Variants in CNTN1 observed in about 807,000 individuals in gnomAD.
The protein encoded by CNTN1 is contactin 1, also known as contactin-1.
A neutral mutation model predicts 126.4 loss-of-function variants in CNTN1; 38 were observed. That is an observed-to-expected ratio of 0.30 (90% CI 0.23 to 0.39). The LOEUF (loss-of-function observed/expected upper bound fraction) is 0.39, where lower values mean the gene tolerates loss of function less well. CNTN1 is among the 10% of genes least tolerant of loss of function. The pLI is 1.00. For synonymous variants in CNTN1, 413 were observed against 422.6 expected, an observed-to-expected ratio of 0.98 and a Z score of 0.28; for missense variants, 1,009 against 1,248.4, an observed-to-expected ratio of 0.81 and a Z score of 2.89.
chr12:40,767,141 C>T (rs1341539539), intron 1 of CNTN1, among the ~76,000 whole-genome samples: 1 of 151,914 alleles, frequency 6.6e-6, no homozygotes, highest in East Asian at 1.9e-4. Flanking sequence ...TTAATATGAT[C>T]AAGGAGAGTA....
At chr12:40,936,676 T>A in intron 9 of CNTN1, 105 bp from the exon 10 acceptor site, 2 of 1,393,322 alleles carry the variant, frequency 1.4e-6, no homozygotes, top group Non-Finnish European at 2.0e-6. Flanking sequence ...CACTATCTGA[T>A]GTATTCTGCA....
rs182884890 is a variant in CNTN1, at chr12:40,908,952, C to T, written c.61+459C>T. ...AAACAATGGGTTTTAAGCATTTATT[C>T]CCTTTGTTCTTAGTATAATTTATTC... is the stretch of plus-strand genomic sequence containing the variant. On this transcript the variant is annotated intron_variant, in intron 2 of 23. Transcript: ENST00000551295. Among the ~76,000 whole-genome samples, 19 of 152,130 alleles carry T rather than the reference C, an allele frequency of 1.2e-4. No homozygotes were observed. The East Asian group carries it at 3.7e-3, about 29-fold the overall frequency.
At chr12:40,725,992 T>G (rs1161296070) in intron 1 of CNTN1, among the ~76,000 whole-genome samples, 1 of 151,896 alleles carries the variant, frequency 6.6e-6, no homozygotes, top group African/African-American at 2.4e-5. Flanking sequence ...AAGGAAGTCT[T>G]GAGTCAGCAT....
At chr12:40,902,849 G>C (rs190003357) in intron 1 of CNTN1, among the ~76,000 whole-genome samples, 81 of 152,192 alleles carry the variant, frequency 5.3e-4, no homozygotes, top group Middle Eastern at 6.8e-3. Flanking sequence ...GCTAGATGGA[G>C]GTCTGTCCAG....
chr12:40,976,078 C>CT (rs1403925109), intron 15 of CNTN1, among the ~76,000 whole-genome samples: 1 of 152,058 alleles, frequency 6.6e-6, no homozygotes, highest in Non-Finnish European at 1.5e-5. Flanking sequence ...CTTTAAATAA[C>CT]TTTTTATTCC....
At chr12:40,767,072 C>T (rs894133301) in intron 1 of CNTN1, among the ~76,000 whole-genome samples, 1 of 151,938 alleles carries the variant, frequency 6.6e-6, no homozygotes, top group Non-Finnish European at 1.5e-5. Flanking sequence ...TAATAATGAA[C>T]ATTATAGTAA....
intron 1 of CNTN1, among the ~76,000 whole-genome samples, chr12:40,711,859 C>T (rs1941921933): frequency 6.6e-6 from 1 of 152,058 alleles, no homozygotes. Context: ...ACTACAGGCA[C>T]TTGCCATTAT....
At chr12:40,899,957 A>G (rs1225799833) in intron 1 of CNTN1, among the ~76,000 whole-genome samples, 10 of 152,172 alleles carry the variant, frequency 6.6e-5, no homozygotes, top group Non-Finnish European at 1.5e-4. Flanking sequence ...TAAGTAATAA[A>G]CGATAAGGGA....
chr12:41,002,557 TC>T lies in CNTN1; in HGVS notation c.2113+9289del, dbSNP rs201565591. 7.8e-3 allele frequency among the ~76,000 whole-genome samples: 1,110 copies of T among 142,776 alleles called. 41 individuals are homozygous for T. The highest frequency in any genetic ancestry group is 0.027 in the African/African-American group (1,000 of 36,588). The allele number at this position is 142,776 out of a possible 152,430, so 93.7% of individuals were successfully genotyped here. ...TTGGGCTGAGACTATAGGGTTTCTT[TC>T]TTTTTTTTTTTTTTTTTGAGATGGA... On this transcript the variant is annotated intron_variant, in intron 17 of 23. Coordinates refer to ENST00000551295, the MANE Select transcript of CNTN1 (RefSeq NM_001843.4).
In CNTN1 at chr12:40,790,076, G is replaced by T. The variant is rs1339070685; in HGVS notation, c.-77+97484G>T. Among the ~76,000 whole-genome samples, 3 of 152,064 alleles carry T rather than the reference G, an allele frequency of 2.0e-5. No individual in the cohort carries two copies. The East Asian group carries it at 5.8e-4, about 29-fold the overall frequency. ...GTGCTGCCCAGGGCTAGTGTTAATA[G>T]CATGCACTTTGCCTATATTAAGGAA... On this transcript the variant is annotated intron_variant, in intron 1 of 23. Transcript: ENST00000551295.
At chr12:40,710,962 G>A (rs142034705) in intron 1 of CNTN1, among the ~76,000 whole-genome samples, 359 of 151,398 alleles carry the variant, frequency 2.4e-3, no homozygotes, top group African/African-American at 8.2e-3. Context: ...CACATGCTTT[G>A]GAACCTCTTC....
chr12:40,844,327 A>C (rs1389633491), intron 1 of CNTN1, among the ~76,000 whole-genome samples: 1 of 151,902 alleles, frequency 6.6e-6, no homozygotes, highest in Non-Finnish European at 1.5e-5. Flanking sequence ...CGGCCTCCCA[A>C]AGTGCTGGGA....
intron 1 of CNTN1, among the ~76,000 whole-genome samples, chr12:40,800,731 C>A (rs539892402): frequency 6.6e-6 from 1 of 152,034 alleles, no homozygotes; most frequent in East Asian, 1.9e-4. Flanking sequence ...TCAGCCTTAA[C>A]AACTAGAAAA....
chr12:40,956,947 A>T (rs1946907104), intron 14 of CNTN1, among the ~76,000 whole-genome samples: 1 of 152,112 alleles, frequency 6.6e-6, no homozygotes. Context: ...GGCAGTAGTG[A>T]TGGAAAGAAT....
intron 1 of CNTN1, among the ~76,000 whole-genome samples, chr12:40,740,389 T>G (rs1423707709): frequency 6.6e-6 from 1 of 151,920 alleles, no homozygotes; most frequent in East Asian, 1.9e-4. Flanking sequence ...TTATAGTAAC[T>G]CTAACTGCTG....
At chr12:40,904,299 G>A (rs748320689) in intron 1 of CNTN1, among the ~76,000 whole-genome samples, 10 of 151,890 alleles carry the variant, frequency 6.6e-5, no homozygotes, top group Non-Finnish European at 1.5e-4. Context: ...TTACAGGCGT[G>A]AGCCACCCCG....
rs181376457 is a variant in CNTN1, at chr12:41,046,686, A to G, written c.2980+17467A>G. 6.4e-4 allele frequency among the ~76,000 whole-genome samples: 98 copies of G among 152,118 alleles called. 1 individual carries two copies. Among genetic ancestry groups the G allele is most frequent in the African/African-American group, 2.3e-3 (95 of 41,548 alleles). ...AAGAACCCCTGTAAATCTTAATATT[A>G]CTAATAACTGCAAATTTTTTTCTTT... On this transcript the variant is annotated intron_variant, in intron 23 of 23. Coordinates refer to ENST00000551295, the MANE Select transcript of CNTN1 (RefSeq NM_001843.4).
At chr12:40,911,227 C>A (rs1168206582) in intron 3 of CNTN1, among the ~76,000 whole-genome samples, 1 of 152,026 alleles carries the variant, frequency 6.6e-6, no homozygotes, top group African/African-American at 2.4e-5. Flanking sequence ...ACTACAGGCA[C>A]CCGCAACCAC....
intron 23 of CNTN1, among the ~76,000 whole-genome samples, chr12:41,061,228 G>C (rs977930320): frequency 1.3e-5 from 2 of 152,076 alleles, no homozygotes; most frequent in African/African-American, 4.8e-5. Context: ...TGTGCTTATT[G>C]GCCAGCTTCT....
Sources: gnomAD v4.1 joint callset for allele counts (sites outside exome capture counted in the v4.1 genomes callset) on GRCh38, gnomAD v4.1.1 for gene constraint, MANE v1.5 for transcripts, NCBI Gene and HGNC (gene_info 2026-07-23, HGNC 2026-07-21) for gene names.